The following PHF14 variants were observed in gnomAD, a reference collection of about 807,000 sequenced individuals.
PHF14 encodes PHD finger protein 14.
A neutral mutation model predicts 117.9 loss-of-function variants in PHF14; 55 were observed. The ratio of observed to expected loss-of-function variants is 0.47; its 90% CI spans 0.38 to 0.58. The LOEUF (loss-of-function observed/expected upper bound fraction) is 0.58. PHF14 is among the 20% of genes least tolerant of loss of function. PHF14 has a pLI of 0.00. For synonymous variants in PHF14, 409 were observed against 368.6 expected, an observed-to-expected ratio of 1.11 and a Z score of -1.26; for missense variants, 978 against 1,122.2, an observed-to-expected ratio of 0.87 and a Z score of 1.84.
chr7:10,985,116 A>G (rs903326765), intron 3 of PHF14, among the ~76,000 whole-genome samples: 36 of 152,138 alleles, frequency 2.4e-4, no homozygotes, highest in African/African-American at 7.2e-4. Flanking sequence ...TAATTAAAAA[A>G]CTAATCAATT....
chr7:11,140,490 G>T (rs1788370150), intron 17 of PHF14, among the ~76,000 whole-genome samples: 1 of 152,070 alleles, frequency 6.6e-6, no homozygotes, highest in Non-Finnish European at 1.5e-5. Flanking sequence ...TACAGTATAG[G>T]AGAAAGTAAT....
chr7:11,004,270 GAAAAGA>G (rs1447911329), intron 4 of PHF14, among the ~76,000 whole-genome samples: 1 of 107,798 alleles, frequency 9.3e-6, no homozygotes, highest in East Asian at 2.8e-4. Flanking sequence ...AAAAAAAAAA[GAAAAGA>G]AAAAGAAAAC....
chr7:11,057,359 CTATT>C (rs1388342438), intron 14 of PHF14, among the ~76,000 whole-genome samples: 3 of 151,960 alleles, frequency 2.0e-5, no homozygotes, highest in East Asian at 3.9e-4. Context: ...GATGAATAAA[CTATT>C]TATTTACTTA....
intron 17 of PHF14, among the ~76,000 whole-genome samples, chr7:11,152,016 A>C (rs1788716103): frequency 6.6e-6 from 1 of 152,222 alleles, no homozygotes. Flanking sequence ...TAGAAAAACT[A>C]GAAGGAGAGT....
chr7:11,018,775 T>G (rs1783620213), intron 5 of PHF14, among the ~76,000 whole-genome samples: 1 of 152,216 alleles, frequency 6.6e-6, no homozygotes, highest in African/African-American at 2.4e-5. Flanking sequence ...CTTCCAGTAC[T>G]ATGTTGAATA....
At chr7:11,117,057 C>T (rs1347153867) in intron 17 of PHF14, among the ~76,000 whole-genome samples, 1 of 151,896 alleles carries the variant, frequency 6.6e-6, no homozygotes, top group African/African-American at 2.4e-5. Flanking sequence ...ATGATGATAA[C>T]TTGTCTTAAT....
chr7:11,028,795 C>T lies in PHF14; in HGVS notation c.1432C>T (p.Leu478Phe). The change falls in exon 7 of 18, where the codon CTT (leucine) becomes TTT (phenylalanine). Residue 478 changes from leucine (L) to phenylalanine (F), a missense_variant. Leu to Phe is a conservative substitution (Grantham distance 22, BLOSUM62 0). Coordinates refer to ENST00000634607, the MANE Select transcript of PHF14 (RefSeq NM_001007157.2). ...HVTCAQKEGL[L>F]SEAAAEEDIA... ...GACCTGTGCTCAAAAGGAAGGTCTGCTTTCAGAGGCAGCGGCGGAAGAGGT... is the reference window on the plus strand; with the variant it reads ...GACCTGTGCTCAAAAGGAAGGTCTGTTTTCAGAGGCAGCGGCGGAAGAGGT... The T allele has an allele frequency of 6.2e-7, 1 of 1,613,692 alleles. No individual in the cohort carries two copies. Among genetic ancestry groups the T allele is most frequent in the Non-Finnish European group, 8.5e-7 (1 of 1,179,692 alleles).
chr7:10,995,728 G>C (rs1782620390), intron 4 of PHF14, among the ~76,000 whole-genome samples: 1 of 152,214 alleles, frequency 6.6e-6, no homozygotes. Context: ...GCGAGAATTT[G>C]AGAGCAGCGC....
intron 16 of PHF14, among the ~76,000 whole-genome samples, chr7:11,068,098 C>T (rs1419688216): frequency 6.6e-6 from 1 of 152,074 alleles, no homozygotes; most frequent in Non-Finnish European, 1.5e-5. Flanking sequence ...CGCCTGTAAT[C>T]CCAGCACTTC....
intron 16 of PHF14, among the ~76,000 whole-genome samples, chr7:11,092,719 A>G (rs529012354): frequency 6.6e-6 from 1 of 152,080 alleles, no homozygotes; most frequent in Admixed American, 6.5e-5. Flanking sequence ...TTCTAATGTG[A>G]GGATGTCATG....
At chr7:11,105,033 T>A in intron 16 of PHF14, 1 of 896,752 alleles carries the variant, frequency 1.1e-6, no homozygotes, top group Non-Finnish European at 1.3e-6. Context: ...AAAATTTAGT[T>A]AAATGTTTGT....
chr7:11,058,428 A>G (rs1785095029), intron 14 of PHF14, among the ~76,000 whole-genome samples: 1 of 151,924 alleles, frequency 6.6e-6, no homozygotes, highest in African/African-American at 2.4e-5. Context: ...AGCTTTCAAC[A>G]TTTTCTTGGT....
intron 6 of PHF14, 24 bp downstream of exon 6, chr7:11,023,003 T>C: frequency 7.5e-7 from 1 of 1,328,996 alleles, no homozygotes; most frequent in South Asian, 1.3e-5. Context: ...CATTTTTGAT[T>C]GCTTGAAAGA....
At chr7:11,105,524 A>T in intron 16 of PHF14, 1 of 979,598 alleles carries the variant, frequency 1.0e-6, no homozygotes, top group Non-Finnish European at 1.2e-6. Context: ...TTACATCATT[A>T]AATTTTTAAA....
intron 16 of PHF14, among the ~76,000 whole-genome samples, chr7:11,101,277 A>T (rs945364792): frequency 6.6e-6 from 1 of 151,916 alleles, no homozygotes; most frequent in Non-Finnish European, 1.5e-5. Flanking sequence ...ATACAAATAC[A>T]TATTTTCAGT....
intron 7 of PHF14, among the ~76,000 whole-genome samples, chr7:11,029,212 T>G (rs1784034802): frequency 6.6e-6 from 1 of 152,242 alleles, no homozygotes; most frequent in South Asian, 2.1e-4. Flanking sequence ...GTCTTTAGTA[T>G]CTCTGTTACT....
At chr7:11,109,022 T>G (rs1787359083) in intron 16 of PHF14, 1 of 151,792 alleles carries the variant, frequency 6.6e-6, no homozygotes, top group South Asian at 2.1e-4. Flanking sequence ...TCTGGCGCAC[T>G]ACCCAAAAAC....
At chr7:11,108,389 G>A (rs902555407) in intron 16 of PHF14, 4 of 151,380 alleles carry the variant, frequency 2.6e-5, no homozygotes, top group African/African-American at 9.7e-5. Flanking sequence ...AGTTCCTAAG[G>A]GTACTACTAC....
At chr7:11,106,993 A>G (rs1409961578) in intron 16 of PHF14, 5 of 982,818 alleles carry the variant, frequency 5.1e-6, no homozygotes, top group African/African-American at 1.8e-5. Flanking sequence ...AGTCTATGTT[A>G]TGGATTTTGC....
Sources: allele counts gnomAD v4.1 joint callset (sites outside exome capture counted in the v4.1 genomes callset), GRCh38; gene constraint gnomAD v4.1.1; transcripts MANE v1.5; gene names NCBI Gene and HGNC (gene_info 2026-07-23, HGNC 2026-07-21).